MAPKAP1: variants seen among roughly 807,000 people sequenced by gnomAD.
MAPKAP1 encodes the protein target of rapamycin complex 2 subunit MAPKAP1.
MAPKAP1 carries 20 observed loss-of-function variants against 65.7 expected under a neutral mutation model. The ratio of observed to expected loss-of-function variants is 0.30; its 90% CI spans 0.21 to 0.44. The LOEUF (loss-of-function observed/expected upper bound fraction) is 0.44. MAPKAP1 is among the 20% of genes least tolerant of loss of function. The pLI is 1.00. For missense variants in MAPKAP1, 423 were observed against 648.0 expected (o/e 0.65, Z 3.77); for synonymous variants, 222 against 244.3 (o/e 0.91, Z 0.85).
At chr9:125,583,979 C>A (rs549239992) in intron 5 of MAPKAP1, among the ~76,000 whole-genome samples, 1 of 151,806 alleles carries the variant, frequency 6.6e-6, no homozygotes, top group South Asian at 2.1e-4. Context: ...AGGAGAATGG[C>A]GTGAACCCGG....
At chr9:125,594,655 C>A (rs1832071886) in intron 4 of MAPKAP1, among the ~76,000 whole-genome samples, 1 of 152,172 alleles carries the variant, frequency 6.6e-6, no homozygotes, top group Admixed American at 6.5e-5. Context: ...TTGATTTGCA[C>A]AGACTTACAG....
At chr9:125,563,635 C>T (rs1830958509) in intron 5 of MAPKAP1, among the ~76,000 whole-genome samples, 1 of 152,114 alleles carries the variant, frequency 6.6e-6, no homozygotes, top group Admixed American at 6.5e-5. Context: ...AGGTACTTAA[C>T]AAACATTTGT....
Position 125,693,838 on chromosome 9 carries a change from T to TACACAC in MAPKAP1, c.-70+13127_-70+13132dup, listed in dbSNP as rs1197235568. On this transcript the variant is annotated intron_variant, in intron 1 of 11. Coordinates refer to ENST00000265960, the MANE Select transcript of MAPKAP1 (RefSeq NM_001006617.3). The stretch of plus-strand genomic sequence containing the variant: ...ACATATACACACACACACATATATA[T>TACACAC]ACACACATACACACACACACACACA... Among the ~76,000 whole-genome samples, 35 of 117,328 alleles carry TACACAC rather than the reference T, an allele frequency of 3.0e-4. 1 individual carries two copies. The highest frequency in any genetic ancestry group is 1.0e-3 in the African/African-American group (21 of 20,048). The allele number at this position is 117,328 out of a possible 152,430, so 77.0% of individuals were successfully genotyped here. A position where few individuals can be genotyped will look rare whatever the true frequency, so the allele number is the denominator to read the frequency against.
Position 125,444,129 on chromosome 9 carries a change from A to C in MAPKAP1, c.1443+372T>G, listed in dbSNP as rs1017647472. On this transcript the variant is annotated intron_variant, in intron 11 of 11. Transcript: ENST00000265960. ...CCTTCAGCATAATTATCTTCAAAACAATAATAATTTCCTCAGAGTCTGCTC... is the reference window on the plus strand; with the variant it reads ...CCTTCAGCATAATTATCTTCAAAACCATAATAATTTCCTCAGAGTCTGCTC... Among the ~76,000 whole-genome samples the C allele has an allele frequency of 2.6e-5, 4 of 152,248 alleles. No homozygotes were observed. The South Asian group carries it at 8.3e-4, about 31-fold the overall frequency.
chr9:125,691,009 C>A (rs973496866), intron 1 of MAPKAP1, among the ~76,000 whole-genome samples: 1 of 152,178 alleles, frequency 6.6e-6, no homozygotes, highest in Admixed American at 6.5e-5. Flanking sequence ...CGCCTGTAAT[C>A]CCAGCACTGT....
intron 6 of MAPKAP1, among the ~76,000 whole-genome samples, chr9:125,547,102 TAA>T (rs766191551): frequency 6.6e-6 from 1 of 152,110 alleles, no homozygotes; most frequent in East Asian, 1.9e-4. Flanking sequence ...ATGGGCATTT[TAA>T]AAAGAGACTC....
rs754101915 is a variant in MAPKAP1 at position 125,506,389 on chromosome 9, G to A, written c.987C>T (p.Ser329=). 28 of 1,613,988 alleles carry A rather than the reference G, an allele frequency of 1.7e-5. No homozygotes were observed. In the Admixed American group the frequency reaches 1.8e-4, roughly 11 times the overall value. ...SGPQYRLEKQ[S]EPNVAVDLDS... is the part of the protein sequence containing the mutation. The stretch of plus-strand genomic sequence containing the variant: ...CCAGGTCAACGGCGACATTGGGCTC[G>A]CTCTGCTTCTCCAGGCGGTACTGAG... The change falls in exon 8 of 12, where the codon AGC becomes AGT. Residue 329 remains serine, a synonymous_variant. Transcript: ENST00000265960.
chr9:125,657,267 TTCTC>T (rs1042800476), intron 4 of MAPKAP1, among the ~76,000 whole-genome samples: 10 of 151,996 alleles, frequency 6.6e-5, no homozygotes, highest in Non-Finnish European at 1.3e-4. Context: ...ACATATATAT[TTCTC>T]TCTCCCTTCC....
chr9:125,573,008 TATC>T (rs1289909972), intron 5 of MAPKAP1: 1 of 149,400 alleles, frequency 6.7e-6, no homozygotes, highest in Non-Finnish European at 1.5e-5. Flanking sequence ...TAGGCAGGAA[TATC>T]ATAATCGCTA....
intron 1 of MAPKAP1, among the ~76,000 whole-genome samples, chr9:125,699,788 A>G (rs1278480946): frequency 6.6e-6 from 1 of 151,932 alleles, no homozygotes; most frequent in Non-Finnish European, 1.5e-5. Context: ...TGCCTGGCTA[A>G]TATTTTTGTA....
chr9:125,515,637 A>G (rs1007183877), intron 7 of MAPKAP1, among the ~76,000 whole-genome samples: 3 of 152,260 alleles, frequency 2.0e-5, no homozygotes, highest in African/African-American at 7.2e-5. Flanking sequence ...AAAAAATCGT[A>G]ACTAAATTGA....
At chr9:125,467,430 T>C (rs1300621243) in intron 10 of MAPKAP1, among the ~76,000 whole-genome samples, 2 of 152,220 alleles carry the variant, frequency 1.3e-5, no homozygotes, top group Non-Finnish European at 2.9e-5. Flanking sequence ...CCAGCAGAGA[T>C]CTCTTCTGTA....
chr9:125,448,062 G>T lies in MAPKAP1; in HGVS notation c.1346-3464C>A, dbSNP rs140501252. 3.8e-4 allele frequency among the ~76,000 whole-genome samples: 58 copies of T among 152,308 alleles called. No homozygotes were observed. The East Asian group carries it at 0.011, about 29-fold the overall frequency. On this transcript the variant is annotated intron_variant, in intron 10 of 11. Transcript: ENST00000265960. ...AGGGGTTTAAGCAGGGCAAGTGAAA[G>T]AAATGGGCAAACTGTGTTTTAGGGT...
At chr9:125,497,203 A>G (rs910871907) in intron 8 of MAPKAP1, among the ~76,000 whole-genome samples, 1 of 152,168 alleles carries the variant, frequency 6.6e-6, no homozygotes, top group African/African-American at 2.4e-5. Context: ...CTGCATGACT[A>G]CCCACCTGGT....
intron 6 of MAPKAP1, among the ~76,000 whole-genome samples, chr9:125,558,147 C>T (rs764040355): frequency 4.6e-5 from 7 of 152,124 alleles, no homozygotes; most frequent in Non-Finnish European, 1.0e-4. Flanking sequence ...GGATTACAGG[C>T]GTGAGCCACT....
rs551494683 is a variant in MAPKAP1, at chr9:125,541,037, G to T, written c.958+2022C>A. Among the ~76,000 whole-genome samples the T allele has an allele frequency of 2.6e-5, 4 of 152,226 alleles. No individual in the cohort carries two copies. The South Asian group carries it at 8.3e-4, about 32-fold the overall frequency. ...AGCTTCTTTTGTTAAAAAGCTTTTT[G>T]GATTAAGAAAACGGACAGTAATTTA... On this transcript the variant is annotated intron_variant, in intron 7 of 11. Transcript: ENST00000265960.
intron 6 of MAPKAP1, among the ~76,000 whole-genome samples, chr9:125,554,484 C>T (rs1000490715): frequency 2.4e-4 from 37 of 152,178 alleles, no homozygotes; most frequent in Non-Finnish European, 4.7e-4. Flanking sequence ...TAACAGAAAG[C>T]GTGGTGGGCC....
chr9:125,484,552 A>G lies in MAPKAP1; in HGVS notation c.1098T>C (p.Asp366=), dbSNP rs906244004. ...SSRADGVFEE[D]SQIDIATVQD... ...GTACTGTGGCTATGTCAATTTGCGA[A>G]TCCTCCTCAAAAACCCCGTCTGCCC... Residue 366 remains aspartate (D), a synonymous_variant, in exon 9 of 12, where the codon GAT becomes GAC. Coordinates refer to ENST00000265960, the MANE Select transcript of MAPKAP1 (RefSeq NM_001006617.3). 1 of 1,611,514 alleles carries G rather than the reference A, an allele frequency of 6.2e-7. No homozygotes were observed. Among genetic ancestry groups the G allele is most frequent in the Admixed American group, 1.7e-5 (1 of 59,658 alleles).
intron 1 of MAPKAP1, among the ~76,000 whole-genome samples, chr9:125,680,330 A>G (rs960584981): frequency 2.0e-5 from 3 of 151,956 alleles, no homozygotes; most frequent in Non-Finnish European, 4.4e-5. Flanking sequence ...CTAAGATTTC[A>G]ACATCCTTTG....
Sources: gnomAD v4.1 joint callset for allele counts (sites outside exome capture counted in the v4.1 genomes callset) on GRCh38, gnomAD v4.1.1 for gene constraint, MANE v1.5 for transcripts, NCBI Gene and HGNC (gene_info 2026-07-23, HGNC 2026-07-21) for gene names.